TUBB2B: variants seen among roughly 807,000 people sequenced by gnomAD.
TUBB2B encodes tubulin beta-2B chain.
TUBB2B carries 5 observed loss-of-function variants against 35.0 expected under a neutral mutation model. The observed-to-expected ratio is 0.14, with a 90% CI of 0.07 to 0.30. TUBB2B has a LOEUF of 0.30. Among genes scored for constraint, TUBB2B ranks in the 10% least tolerant of loss-of-function variants. TUBB2B has a pLI of 1.00. For missense variants in TUBB2B, 63 were observed against 601.8 expected (o/e 0.10, Z 9.37); for synonymous variants, 166 against 250.5 (o/e 0.66, Z 3.18).
chr6:3,225,943 G>A (rs1757282841), intron 3 of TUBB2B, 132 bp from the exon 4 acceptor site: 2 of 1,485,154 alleles, frequency 1.3e-6, no homozygotes, highest in South Asian at 1.2e-5. Context: ...ATGGCCAAAC[G>A]TTAAAATATT....
chr6:3,225,095 T>C lies in TUBB2B; in HGVS notation c.994A>G (p.Asn332Asp). Residue 332 changes from asparagine to aspartate, a missense_variant, in exon 4 of 4, where the codon AAC becomes GAC. Physicochemically the swap from Asn to Asp is conservative, Grantham distance 23 (BLOSUM62 1). This residue lies in a region of TUBB2B where 18 missense variants were observed against 145.0 expected (regional missense o/e 0.12). Coordinates refer to ENST00000259818, the MANE Select transcript of TUBB2B (RefSeq NM_178012.5). ...TAGCTGCTGTTCTTGTTCTGCACGT[T>C]GAGCATCTGCTCGTCCACCTCCTTC... Reference protein sequence around the residue: ...SMKEVDEQMLNVQNKNSSYFV... With the variant: ...SMKEVDEQMLDVQNKNSSYFV... 1 of 845,212 alleles carries C rather than the reference T, an allele frequency of 1.2e-6. No homozygotes were observed. 52.4% of individuals were successfully genotyped at this position (845,212 alleles called of 1,614,324 possible).
At position 3,226,947 on chromosome 6, in the gene TUBB2B, A is replaced by C. The variant is rs965625535; in HGVS notation, c.58-278T>G. Among the ~76,000 whole-genome samples the C allele has an allele frequency of 9.2e-5, 14 of 152,068 alleles. No individual in the cohort carries two copies. The highest frequency in any genetic ancestry group is 1.3e-4 in the Non-Finnish European group (9 of 68,010). ...GCCGGGCAGTGGCGGAGCTTGGCGCACTGGTCGCAGCCCCAGGCTGCGGCA... is the reference window on the plus strand; with the variant it reads ...GCCGGGCAGTGGCGGAGCTTGGCGCCCTGGTCGCAGCCCCAGGCTGCGGCA... On this transcript the variant is annotated intron_variant, in intron 1 of 3. Coordinates refer to ENST00000259818, the MANE Select transcript of TUBB2B (RefSeq NM_178012.5). This position sits in a 1 kb window ranked among gnomAD's most constrained non-coding sequence, Gnocchi z 5.5.
rs552288610 is a variant in TUBB2B at position 3,224,379 on chromosome 6, T to C, written c.*372A>G. 221 of 313,404 alleles carry C rather than the reference T, an allele frequency of 7.1e-4. No individual in the cohort carries two copies. The highest frequency in any genetic ancestry group is 1.1e-3 in the Admixed American group (23 of 21,144). The allele number at this position is 313,404 out of a possible 1,614,324, so 19.4% of individuals were successfully genotyped here. On this transcript the variant is annotated 3_prime_UTR_variant, in exon 4 of 4. Transcript: ENST00000259818. ...TACCATACCGAAAGAATAAATTCAT[T>C]TGAGCTTTTACCTACGCCTTTGCTT...
chr6:3,225,866 C>T (rs1757281256), intron 3 of TUBB2B, 55 bp from the exon 4 acceptor site: 4 of 1,606,340 alleles, frequency 2.5e-6, no homozygotes, highest in Middle Eastern at 1.7e-4. Context: ...AAATACCTTA[C>T]CTCAAACCCC....
chr6:3,226,303 C>G lies in TUBB2B; in HGVS notation c.167-34G>C, dbSNP rs781103247. ...AACAACAGTGACTTAGACCCTCAGG[C>G]AAGGACCTCTGCAGAGAAGGGCTTG... On this transcript the variant is annotated intron_variant, in intron 2 of 3. Transcript: ENST00000259818. This position sits in a 1 kb window ranked among gnomAD's most constrained non-coding sequence, Gnocchi z 5.5. 1 of 1,581,810 alleles carries G rather than the reference C, an allele frequency of 6.3e-7. No homozygotes were observed. The highest frequency in any genetic ancestry group is 1.1e-5 in the South Asian group (1 of 90,028).
rs746506962 is a variant in TUBB2B, at chr6:3,224,781, G to A, written c.1308C>T (p.Phe436=). Residue 436 remains phenylalanine (F), a synonymous_variant, in exon 4 of 4, where the codon TTC becomes TTT. Coordinates refer to ENST00000259818, the MANE Select transcript of TUBB2B (RefSeq NM_178012.5). ...CCTCGTCCTCGCCCTCCTCCTCCTC[G>A]AACTCCCCTTGTTCGTCGGCCGTGG... ...QDATADEQGE[F]EEEEGEDEA is the part of the protein sequence containing the mutation. 6 of 1,613,174 alleles carry A rather than the reference G, an allele frequency of 3.7e-6. No homozygotes were observed. The highest frequency in any genetic ancestry group is 1.7e-5 in the Admixed American group (1 of 59,908).
Position 3,226,369 on chromosome 6 carries a change from G to A in TUBB2B, c.167-100C>T. ...ATGCAGATGTTGCCCCAAACAAAGGGAGACCCACCATCAGGTTCTCAAAGG... is the reference window on the plus strand; with the variant it reads ...ATGCAGATGTTGCCCCAAACAAAGGAAGACCCACCATCAGGTTCTCAAAGG... On this transcript the variant is annotated intron_variant, in intron 2 of 3. Transcript: ENST00000259818. This position sits in a 1 kb window ranked among gnomAD's most constrained non-coding sequence, Gnocchi z 5.5. 3 of 1,172,456 alleles carry A rather than the reference G, an allele frequency of 2.6e-6. No individual in the cohort carries two copies. The highest frequency in any genetic ancestry group is 3.8e-6 in the Non-Finnish European group (3 of 793,440). The allele number at this position is 1,172,456 out of a possible 1,614,324, so 72.6% of individuals were successfully genotyped here.
Position 3,225,426 on chromosome 6 carries a change from G to A in TUBB2B, c.663C>T (p.Thr221=), listed in dbSNP as rs1220093935. ...ACACCAGGTGGTTGAGGTCCCCGTA[G>A]GTGGGGGTGGTCAGCTTCAGGGTGC... The part of the protein sequence containing the change: ...CFRTLKLTTP[T]YGDLNHLVSA... Residue 221 remains threonine, a synonymous_variant, in exon 4 of 4, where the codon ACC becomes ACT. Coordinates refer to ENST00000259818, the MANE Select transcript of TUBB2B (RefSeq NM_178012.5). 1.9e-6 allele frequency: 3 copies of A among 1,613,262 alleles called. No homozygotes were observed. The Admixed American group carries it at 5.0e-5, about 27-fold the overall frequency.
rs896593249 is a variant in TUBB2B at position 3,227,161 on chromosome 6, CAGCCCCTCGCGCGG to C, written c.57+312_57+325del. On this transcript the variant is annotated intron_variant, in intron 1 of 3. Transcript: ENST00000259818. The surrounding 1 kb of genome is among the most constrained non-coding windows in gnomAD (Gnocchi z 7.8). ...AGTACAATTAATCCTCCTGGTGTCC[CAGCCCCTCGCGCGG>C]AGCGCCGCGCACAGCCTCGCGGACA... 1.1e-4 allele frequency among the ~76,000 whole-genome samples: 17 copies of C among 152,302 alleles called. No individual in the cohort carries two copies. Among genetic ancestry groups the C allele is most frequent in the Admixed American group, 5.2e-4 (8 of 15,302 alleles).
At position 3,226,139 on chromosome 6, in the gene TUBB2B, C is replaced by T. The variant is rs765200907; in HGVS notation, c.277+20G>A. 3.1e-6 allele frequency: 5 copies of T among 1,603,964 alleles called. No homozygotes were observed. In the South Asian group the frequency reaches 5.5e-5, roughly 18 times the overall value. On this transcript the variant is annotated intron_variant, in intron 3 of 3. Coordinates refer to ENST00000259818, the MANE Select transcript of TUBB2B (RefSeq NM_178012.5). This position sits in a 1 kb window ranked among gnomAD's most constrained non-coding sequence, Gnocchi z 5.5. ...GCGTAAAATGAATCCCTCATGCTCT[C>T]AGCCACACCAGGCACTCACCAAACA...
chr6:3,227,416 C>T lies in TUBB2B; in HGVS notation c.57+71G>A. ...TCCCCAGGCCTTCCCAGGACCGCGC[C>T]TGGGGACCCCGAGGGGCTCTCGGCC... is the stretch of plus-strand genomic sequence containing the variant. On this transcript the variant is annotated intron_variant, in intron 1 of 3. Transcript: ENST00000259818. This position sits in a 1 kb window ranked among gnomAD's most constrained non-coding sequence, Gnocchi z 7.8. 6.3e-7 allele frequency: 1 copy of T among 1,587,792 alleles called. No individual in the cohort carries two copies. The highest frequency in any genetic ancestry group is 8.5e-7 in the Non-Finnish European group (1 of 1,173,038).
chr6:3,225,861 C>A (rs1430721625), intron 3 of TUBB2B, 50 bp from the exon 4 acceptor site: 1 of 1,610,702 alleles, frequency 6.2e-7, no homozygotes, highest in Admixed American at 1.7e-5. Flanking sequence ...GTACTAAATA[C>A]CTTACCTCAA....
rs1286854162 is a variant in TUBB2B at position 3,226,913 on chromosome 6, C to T, written c.58-244G>A. 6.6e-6 allele frequency among the ~76,000 whole-genome samples: 1 copy of T among 152,146 alleles called. No homozygotes were observed. The stretch of plus-strand genomic sequence containing the variant: ...GAGGTAGGGGTCGAGGGGGTAAGGA[C>T]CAGCCAAAGCCGGGCAGTGGCGGAG... On this transcript the variant is annotated intron_variant, in intron 1 of 3. Transcript: ENST00000259818. The surrounding 1 kb of genome is among the most constrained non-coding windows in gnomAD (Gnocchi z 5.5).
In TUBB2B at chr6:3,225,093, G is replaced by A. The variant is rs1757272476; in HGVS notation, c.996C>T (p.Asn332=). ...AGTAGCTGCTGTTCTTGTTCTGCAC[G>A]TTGAGCATCTGCTCGTCCACCTCCT... The part of the protein sequence containing the change: ...SMKEVDEQML[N]VQNKNSSYFV... Residue 332 remains asparagine, a synonymous_variant, in exon 4 of 4, where the codon AAC becomes AAT. Transcript: ENST00000259818. 2 of 845,704 alleles carry A rather than the reference G, an allele frequency of 2.4e-6. No homozygotes were observed. Among genetic ancestry groups the A allele is most frequent in the Non-Finnish European group, 3.4e-6 (2 of 581,388 alleles). 52.4% of individuals were successfully genotyped at this position (845,704 alleles called of 1,614,324 possible). A position where few individuals can be genotyped will look rare whatever the true frequency, so the allele number is the denominator to read the frequency against.
chr6:3,227,426 C>T lies in TUBB2B; in HGVS notation c.57+61G>A. 1 of 1,593,230 alleles carries T rather than the reference C, an allele frequency of 6.3e-7. No individual in the cohort carries two copies. The highest frequency in any genetic ancestry group is 8.5e-7 in the Non-Finnish European group (1 of 1,175,816). On this transcript the variant is annotated intron_variant, in intron 1 of 3. Coordinates refer to ENST00000259818, the MANE Select transcript of TUBB2B (RefSeq NM_178012.5). The surrounding 1 kb of genome is among the most constrained non-coding windows in gnomAD (Gnocchi z 7.8). The stretch of plus-strand genomic sequence containing the variant: ...TTCCCAGGACCGCGCCTGGGGACCC[C>T]GAGGGGCTCTCGGCCCAGGTTCGCG...
rs1332158099 is a variant in TUBB2B, at chr6:3,224,508, C to G, written c.*243G>C. 4.8e-6 allele frequency: 3 copies of G among 626,730 alleles called. No homozygotes were observed. The highest frequency in any genetic ancestry group is 3.0e-5 in the Admixed American group (1 of 33,012). 38.8% of individuals were successfully genotyped at this position (626,730 alleles called of 1,614,324 possible). A position where few individuals can be genotyped will look rare whatever the true frequency, so the allele number is the denominator to read the frequency against. ...AGAGAGGACACCATTCCGACACAAACGTTTATGTGATTTTAGCCATTACAA... is the reference window on the plus strand; with the variant it reads ...AGAGAGGACACCATTCCGACACAAAGGTTTATGTGATTTTAGCCATTACAA... On this transcript the variant is annotated 3_prime_UTR_variant, in exon 4 of 4. Transcript: ENST00000259818.
intron 3 of TUBB2B, 69 bp from the exon 4 acceptor site, chr6:3,225,880 A>G (rs1757281404): frequency 3.1e-6 from 5 of 1,600,282 alleles, no homozygotes; most frequent in East Asian, 2.2e-5. Flanking sequence ...AAACCCCTCA[A>G]TATAGATCAG....
At position 3,227,108 on chromosome 6, in the gene TUBB2B, C is replaced by T. The variant is rs895729140; in HGVS notation, c.57+379G>A. Among the ~76,000 whole-genome samples, 2 of 152,160 alleles carry T rather than the reference C, an allele frequency of 1.3e-5. No individual in the cohort carries two copies. The highest frequency in any genetic ancestry group is 2.9e-5 in the Non-Finnish European group (2 of 68,014). On this transcript the variant is annotated intron_variant, in intron 1 of 3. Coordinates refer to ENST00000259818, the MANE Select transcript of TUBB2B (RefSeq NM_178012.5). The surrounding 1 kb of genome is among the most constrained non-coding windows in gnomAD (Gnocchi z 7.8). ...GCAAGACAATCGCTCTCCTCCCCTC[C>T]CCCGGCAGCTCGACTCCGGTTCAAG...
chr6:3,227,609 C>G lies in TUBB2B; in HGVS notation c.-66G>C. On this transcript the variant is annotated 5_prime_UTR_variant, in exon 1 of 4. Transcript: ENST00000259818. This position sits in a 1 kb window ranked among gnomAD's most constrained non-coding sequence, Gnocchi z 7.8. ...TCTGTCCGTCCTCCCCTCACACACC[C>G]ACTGCGGGGTCACCGGGAAGGCGCT... 2 of 1,592,044 alleles carry G rather than the reference C, an allele frequency of 1.3e-6. No individual in the cohort carries two copies. Among genetic ancestry groups the G allele is most frequent in the Non-Finnish European group, 1.7e-6 (2 of 1,169,654 alleles).
Sources: allele counts gnomAD v4.1 joint callset (sites outside exome capture counted in the v4.1 genomes callset), GRCh38; gene constraint gnomAD v4.1.1; regional missense constraint gnomAD v4.1.1; non-coding constraint Gnocchi (gnomAD v3.1); transcripts MANE v1.5; gene names NCBI Gene and HGNC (gene_info 2026-07-23, HGNC 2026-07-21).